Variants in SHANK2 observed in about 807,000 individuals in gnomAD.
The protein encoded by SHANK2 is SH3 and multiple ankyrin repeat domains protein 2.
In SHANK2, 43 loss-of-function variants were observed where a neutral mutation model predicts 133.7. That is an observed-to-expected ratio of 0.32 (90% CI 0.25 to 0.41). SHANK2 has a LOEUF of 0.41. SHANK2 is among the 10% of genes least tolerant of loss of function. The pLI, the probability that SHANK2 is intolerant of heterozygous loss-of-function variation, is 1.00. For missense variants in SHANK2, 1,994 were observed against 2,235.8 expected (o/e 0.89, Z 2.18); for synonymous variants, 1,017 against 952.8 (o/e 1.07, Z -1.24).
At position 70,830,212 on chromosome 11, in the gene SHANK2, C is replaced by A. The variant is rs560587175; in HGVS notation, c.1175-9530G>T. ...TTCTGGGGGAATATTTATCTTCCAG[C>A]CCTGGGATGTGGCCATGGGAACATC... On this transcript the variant is annotated intron_variant, in intron 11 of 25. Transcript: ENST00000601538. The surrounding 1 kb of genome is among the most constrained non-coding windows in gnomAD (Gnocchi z 4.4). 6.6e-6 allele frequency among the ~76,000 whole-genome samples: 1 copy of A among 152,306 alleles called. No homozygotes were observed. The highest frequency in any genetic ancestry group is 1.9e-4 in the East Asian group (1 of 5,178).
At chr11:70,899,739 T>C (rs1949997023) in intron 10 of SHANK2, among the ~76,000 whole-genome samples, 1 of 152,198 alleles carries the variant, frequency 6.6e-6, no homozygotes, top group Non-Finnish European at 1.5e-5. Context: ...CTGATGGTTG[T>C]GCTGGCTCAG....
At chr11:70,598,647 C>T (rs1554990048) in intron 17 of SHANK2, among the ~76,000 whole-genome samples, 2 of 152,120 alleles carry the variant, frequency 1.3e-5, no homozygotes, top group East Asian at 3.8e-4. Context: ...TCACTCATGA[C>T]CTTGGATGCA....
chr11:70,665,621 C>T (rs781888675), intron 15 of SHANK2, among the ~76,000 whole-genome samples: 2 of 152,214 alleles, frequency 1.3e-5, no homozygotes, highest in African/African-American at 2.4e-5. Context: ...CCACTCCCCA[C>T]CCACCATGAA....
chr11:70,818,034 C>T (rs555669331), intron 12 of SHANK2, among the ~76,000 whole-genome samples: 1 of 152,320 alleles, frequency 6.6e-6, no homozygotes, highest in South Asian at 2.1e-4. Context: ...CGCACCTGGT[C>T]CCTTGTTTTA....
intron 14 of SHANK2, among the ~76,000 whole-genome samples, chr11:70,776,814 C>T: frequency 6.6e-6 from 1 of 151,680 alleles, no homozygotes; most frequent in East Asian, 1.9e-4. Flanking sequence ...TCCCACCTGT[C>T]CATCCCTTAA....
chr11:70,931,876 T>C (rs1950508914), intron 10 of SHANK2, among the ~76,000 whole-genome samples: 1 of 152,236 alleles, frequency 6.6e-6, no homozygotes, highest in Non-Finnish European at 1.5e-5. Context: ...CATACTAATG[T>C]TTTTTATAAA....
At chr11:70,754,847 C>T (rs550759459) in intron 14 of SHANK2, among the ~76,000 whole-genome samples, 6 of 152,218 alleles carry the variant, frequency 3.9e-5, no homozygotes, top group South Asian at 2.1e-4. Context: ...CTGACAAAAC[C>T]GAAGAGCTGG....
chr11:71,076,324 C>A (rs1951219034), intron 8 of SHANK2, among the ~76,000 whole-genome samples: 5 of 151,894 alleles, frequency 3.3e-5, no homozygotes, highest in African/African-American at 9.7e-5. Context: ...GCCATGGTAG[C>A]CCAGGAAGGG....
chr11:70,679,527 C>G (rs140526975), intron 15 of SHANK2, among the ~76,000 whole-genome samples: 1 of 152,358 alleles, frequency 6.6e-6, no homozygotes, highest in East Asian at 1.9e-4. Flanking sequence ...TTCCAGCCAT[C>G]AGCTGTCTCC....
intron 17 of SHANK2, among the ~76,000 whole-genome samples, chr11:70,616,591 A>G (rs575763924): frequency 6.6e-6 from 1 of 152,312 alleles, no homozygotes; most frequent in South Asian, 2.1e-4. Context: ...CCCTGGAACC[A>G]GGTCCCTGGT....
At chr11:70,948,769 C>T (rs930671330) in intron 10 of SHANK2, among the ~76,000 whole-genome samples, 2 of 152,166 alleles carry the variant, frequency 1.3e-5, no homozygotes, top group Non-Finnish European at 2.9e-5. Context: ...ACAGAGGCTG[C>T]CTGGGTGTGG....
intron 17 of SHANK2, among the ~76,000 whole-genome samples, chr11:70,625,735 C>A (rs1487794578): frequency 2.0e-5 from 3 of 149,508 alleles, no homozygotes; most frequent in Non-Finnish European, 4.4e-5. Flanking sequence ...TCCCCAAGTC[C>A]CCTGCCTCCC....
At chr11:70,499,405 G>A (rs1363713840) in intron 21 of SHANK2, among the ~76,000 whole-genome samples, 2 of 152,228 alleles carry the variant, frequency 1.3e-5, no homozygotes, top group African/African-American at 4.8e-5. Flanking sequence ...GGAGGGTGGT[G>A]TGGATGGGGC....
rs139184746 is a variant in SHANK2 at position 70,857,383 on chromosome 11, C to T, written c.1175-36701G>A. Among the ~76,000 whole-genome samples the T allele has an allele frequency of 2.6e-4, 39 of 152,334 alleles. No individual in the cohort carries two copies. In the East Asian group the frequency reaches 7.5e-3, roughly 29 times the overall value. Reference sequence around the variant, plus strand: ...TTCAAACACCTGCTCCTAAGCAAAGCGTTCTCAACCTAGCCACAAGCAACC... The same window carrying T: ...TTCAAACACCTGCTCCTAAGCAAAGTGTTCTCAACCTAGCCACAAGCAACC... On this transcript the variant is annotated intron_variant, in intron 11 of 25. Coordinates refer to ENST00000601538, the MANE Select transcript of SHANK2 (RefSeq NM_012309.5).
At chr11:70,761,745 C>T (rs1483792465) in intron 14 of SHANK2, among the ~76,000 whole-genome samples, 2 of 152,282 alleles carry the variant, frequency 1.3e-5, no homozygotes, top group Non-Finnish European at 2.9e-5. Context: ...TGACCATGCC[C>T]ATGCTGTGCT....
intron 17 of SHANK2, among the ~76,000 whole-genome samples, chr11:70,646,732 A>C (rs1462070635): frequency 5.3e-5 from 8 of 152,250 alleles, no homozygotes; most frequent in Non-Finnish European, 8.8e-5. Context: ...AAAGATTTTC[A>C]AGGAATCACA....
chr11:71,117,003 T>A (rs1951992060), intron 4 of SHANK2, among the ~76,000 whole-genome samples: 1 of 152,164 alleles, frequency 6.6e-6, no homozygotes, highest in Non-Finnish European at 1.5e-5. Flanking sequence ...TCCTTTCTCT[T>A]AGCCAGCCTC....
In SHANK2 at chr11:70,830,535, G is replaced by A. The variant is rs1015662986; in HGVS notation, c.1175-9853C>T. On this transcript the variant is annotated intron_variant, in intron 11 of 25. Coordinates refer to ENST00000601538, the MANE Select transcript of SHANK2 (RefSeq NM_012309.5). The surrounding 1 kb of genome is among the most constrained non-coding windows in gnomAD (Gnocchi z 4.4). ...GACCTTGGAGAGCTGGGGAAGCAGAGGCGGGTGCACAGCCTCCCGCAGAAC... is the reference window on the plus strand; with the variant it reads ...GACCTTGGAGAGCTGGGGAAGCAGAAGCGGGTGCACAGCCTCCCGCAGAAC... Among the ~76,000 whole-genome samples, 1 of 152,238 alleles carries A rather than the reference G, an allele frequency of 6.6e-6. No individual in the cohort carries two copies. The highest frequency in any genetic ancestry group is 1.5e-5 in the Non-Finnish European group (1 of 68,044).
At chr11:71,243,416 C>T (rs188317837) in intron 1 of SHANK2, among the ~76,000 whole-genome samples, 10 of 152,262 alleles carry the variant, frequency 6.6e-5, no homozygotes, top group South Asian at 2.1e-4. Context: ...GGAGTCAGGC[C>T]GGGCGTGGTG....
Sources: gnomAD v4.1 joint callset for allele counts (sites outside exome capture counted in the v4.1 genomes callset) on GRCh38, gnomAD v4.1.1 for gene constraint, Gnocchi (gnomAD v3.1) non-coding constraint, MANE v1.5 for transcripts, NCBI Gene and HGNC (gene_info 2026-07-23, HGNC 2026-07-21) for gene names.